Variants in ASIC5 observed in about 807,000 individuals in gnomAD.
The protein encoded by ASIC5 is bile acid-sensitive ion channel.
Under a neutral mutation model 51.2 loss-of-function variants are expected in ASIC5, and 52 were observed. The ratio of observed to expected loss-of-function variants is 1.02; its 90% CI spans 0.81 to 1.28. The LOEUF is 1.28. ASIC5 is among the 50% of genes most tolerant of loss of function. The probability of loss-of-function intolerance (pLI) is 0.00; values close to 1 mark genes in which losing one functional copy is unlikely to be tolerated. For synonymous variants in ASIC5, 231 were observed against 200.7 expected (o/e 1.15, Z -1.28); for missense variants, 635 against 595.0 (o/e 1.07, Z -0.70).
intron 3 of ASIC5, 33 bp downstream of exon 3, chr4:155,854,044 T>C (rs2111257998): frequency 6.7e-7 from 1 of 1,496,218 alleles, no homozygotes; most frequent in Admixed American, 1.7e-5. Flanking sequence ...AACTTATTAC[T>C]TTGATTATAT....
intron 6 of ASIC5, among the ~76,000 whole-genome samples, chr4:155,839,734 C>A (rs74447648): frequency 9.8e-5 from 12 of 122,256 alleles, no homozygotes; most frequent in Middle Eastern, 3.9e-3. Flanking sequence ...AAAAAAAAAA[C>A]TACCTCCAAC....
intron 4 of ASIC5, among the ~76,000 whole-genome samples, chr4:155,846,878 A>T (rs1053435219): frequency 1.3e-5 from 2 of 152,112 alleles, no homozygotes; most frequent in African/African-American, 4.8e-5. Flanking sequence ...TGTCCTTTAT[A>T]AAAAAACATA....
chr4:155,845,177 C>G (rs1177714370), intron 4 of ASIC5, among the ~76,000 whole-genome samples: 1 of 151,962 alleles, frequency 6.6e-6, no homozygotes, highest in Non-Finnish European at 1.5e-5. Context: ...TCAGCCAGAC[C>G]AAACTGAAAG....
At chr4:155,840,491 A>T (rs1429656178) in intron 6 of ASIC5, among the ~76,000 whole-genome samples, 1 of 147,132 alleles carries the variant, frequency 6.8e-6, no homozygotes, top group African/African-American at 2.5e-5. Flanking sequence ...TACATATTTT[A>T]TATTTATATT....
At chr4:155,841,388 T>TA (rs753035287) in intron 6 of ASIC5, among the ~76,000 whole-genome samples, 18 of 152,234 alleles carry the variant, frequency 1.2e-4, no homozygotes, top group Non-Finnish European at 2.4e-4. Context: ...ACAACAACCC[T>TA]ATAAGATGGG....
At chr4:155,836,945 T>G in intron 7 of ASIC5, 88 bp from the exon 8 acceptor site, 1 of 1,019,692 alleles carries the variant, frequency 9.8e-7, no homozygotes, top group Non-Finnish European at 1.4e-6. Flanking sequence ...CATTTCACTT[T>G]CAATATTAAA....
chr4:155,852,180 A>C lies in ASIC5; in HGVS notation c.711+11T>G, dbSNP rs759633831. Reference sequence around the variant, plus strand: ...TTCTCGTTTGTCTTGAACCTGGAGAAAATTCAGTACCTGATTCACATTGAA... The same window carrying C: ...TTCTCGTTTGTCTTGAACCTGGAGACAATTCAGTACCTGATTCACATTGAA... On this transcript the variant is annotated intron_variant, in intron 4 of 9. Transcript: ENST00000537611. 6.2e-7 allele frequency: 1 copy of C among 1,611,902 alleles called. No homozygotes were observed. Among genetic ancestry groups the C allele is most frequent in the Non-Finnish European group, 8.5e-7 (1 of 1,178,646 alleles).
intron 8 of ASIC5, among the ~76,000 whole-genome samples, chr4:155,833,460 T>A (rs1740914196): frequency 6.6e-6 from 1 of 152,206 alleles, no homozygotes; most frequent in Admixed American, 6.5e-5. Context: ...AAATATATCA[T>A]TAATATGTTT....
At chr4:155,837,154 GGA>G (rs1741002621) in intron 7 of ASIC5, among the ~76,000 whole-genome samples, 2 of 8,920 alleles carry the variant, frequency 2.2e-4, no homozygotes, top group African/African-American at 4.3e-4. Flanking sequence ...TCAGATATTT[GGA>G]CAGAAGAATA....
rs61748631 is a variant in ASIC5, at chr4:155,829,977, T to C, written c.1397A>G (p.Tyr466Cys). The C allele has an allele frequency of 7.0e-4, 1,124 of 1,601,240 alleles. 10 individuals carry two copies. The African/African-American group carries it at 0.014, about 20-fold the overall frequency. ...TATCCAGTAGAAATTGGTGAATAGATATTCAATAATTTCTATGATCGTGAT... is the reference window on the plus strand; with the variant it reads ...TATCCAGTAGAAATTGGTGAATAGACATTCAATAATTTCTATGATCGTGAT... The part of the protein sequence containing the change: ...SLITIIEIIE[Y>C]LFTNFYWICI... Residue 466 changes from tyrosine to cysteine, a missense_variant, in exon 10 of 10, where the codon TAT becomes TGT. Tyr to Cys is a radical substitution (Grantham distance 194). Coordinates refer to ENST00000537611, the MANE Select transcript of ASIC5 (RefSeq NM_017419.3).
intron 6 of ASIC5, 150 bp downstream of exon 6, chr4:155,842,057 G>T: frequency 1.5e-6 from 1 of 662,880 alleles, no homozygotes; most frequent in African/African-American, 1.8e-5. Flanking sequence ...TAATTTTTCT[G>T]TGAATGGGTC....
rs549564325 is a variant in ASIC5, at chr4:155,853,876, T to C, written c.585+201A>G. On this transcript the variant is annotated intron_variant, in intron 3 of 9. Coordinates refer to ENST00000537611, the MANE Select transcript of ASIC5 (RefSeq NM_017419.3). ...AAGTTTTCTCTTTTCTATCTTTCCT[T>C]ATCTAACTGCTTGAAAGAGGAAATT... Among the ~76,000 whole-genome samples, 4 of 152,098 alleles carry C rather than the reference T, an allele frequency of 2.6e-5. No homozygotes were observed. The South Asian group carries it at 8.3e-4, about 31-fold the overall frequency.
chr4:155,864,226 G>A lies in ASIC5; in HGVS notation c.41-472C>T, dbSNP rs112672458. 4.6e-3 allele frequency among the ~76,000 whole-genome samples: 702 copies of A among 152,198 alleles called. 9 individuals carry two copies. Among genetic ancestry groups the A allele is most frequent in the African/African-American group, 0.016 (649 of 41,528 alleles). Reference sequence around the variant, plus strand: ...TTGTCCTATGGTGGTATAATTTATGGTAAATGTAACTTTCATTCTCGTATT... The same window carrying A: ...TTGTCCTATGGTGGTATAATTTATGATAAATGTAACTTTCATTCTCGTATT... On this transcript the variant is annotated intron_variant, in intron 1 of 9. Coordinates refer to ENST00000537611, the MANE Select transcript of ASIC5 (RefSeq NM_017419.3).
chr4:155,831,838 ACACT>A lies in ASIC5; in HGVS notation c.1309_1312del (p.Ser437CysfsTer20), dbSNP rs773502646. 15 of 1,598,596 alleles carry A rather than the reference ACACT, an allele frequency of 9.4e-6. No homozygotes were observed. The South Asian group carries it at 1.1e-4, about 12-fold the overall frequency. ...ATAACACTTACCAAGTAACTCAGACACACTCACCGCCTTTTGCTGCTGGGTTATC... is the reference window on the plus strand; with the variant it reads ...ATAACACTTACCAAGTAACTCAGACACACCGCCTTTTGCTGCTGGGTTATC... On this transcript the variant is annotated frameshift_variant, in exon 9 of 10. Coordinates refer to ENST00000537611, the MANE Select transcript of ASIC5 (RefSeq NM_017419.3). LOFTEE classifies it high-confidence loss of function.
rs977638374 is a variant in ASIC5, at chr4:155,843,586, C to T, written c.861+95G>A. 1.2e-5 allele frequency: 17 copies of T among 1,367,878 alleles called. No individual in the cohort carries two copies. In the Admixed American group the frequency reaches 3.3e-4, roughly 27 times the overall value. The allele number at this position is 1,367,878 out of a possible 1,614,324, so 84.7% of individuals were successfully genotyped here. A position where few individuals can be genotyped will look rare whatever the true frequency, so the allele number is the denominator to read the frequency against. The stretch of plus-strand genomic sequence containing the variant: ...TTTTGGAATTTCTAATGGTGTTTTA[C>T]AGGCATGGGAGAAAGGAATTTCTAG... On this transcript the variant is annotated intron_variant, in intron 5 of 9. Coordinates refer to ENST00000537611, the MANE Select transcript of ASIC5 (RefSeq NM_017419.3).
chr4:155,865,758 T>C (rs1220252432), intron 1 of ASIC5, among the ~76,000 whole-genome samples: 2 of 152,062 alleles, frequency 1.3e-5, no homozygotes, highest in Admixed American at 6.6e-5. Context: ...GGCCCACTAG[T>C]TTGCAAAGCA....
At chr4:155,860,125 A>G (rs1452978168) in intron 2 of ASIC5, among the ~76,000 whole-genome samples, 2 of 152,006 alleles carry the variant, frequency 1.3e-5, no homozygotes, top group East Asian at 3.9e-4. Context: ...CCACAGATAA[A>G]AATTTAAATG....
intron 8 of ASIC5, among the ~76,000 whole-genome samples, chr4:155,833,612 A>C (rs1225559452): frequency 6.6e-6 from 1 of 152,206 alleles, no homozygotes; most frequent in African/African-American, 2.4e-5. Context: ...GAAGTCCAGA[A>C]ATTTTAGTAA....
At chr4:155,852,453 T>C (rs935766138) in intron 3 of ASIC5, 137 bp from the exon 4 acceptor site, 2 of 687,952 alleles carry the variant, frequency 2.9e-6, no homozygotes, top group Middle Eastern at 4.0e-4. Context: ...GTCTGATTTA[T>C]ATGTGTATTC....
Sources: gnomAD v4.1 joint callset for allele counts (sites outside exome capture counted in the v4.1 genomes callset) on GRCh38, gnomAD v4.1.1 for gene constraint, MANE v1.5 for transcripts, NCBI Gene and HGNC (gene_info 2026-07-23, HGNC 2026-07-21) for gene names.